The following TMCC2 variants were observed in gnomAD, a reference collection of about 807,000 sequenced individuals.
TMCC2 encodes the protein transmembrane and coiled-coil domains protein 2.
A neutral mutation model predicts 49.4 loss-of-function variants in TMCC2; 16 were observed. The observed-to-expected ratio is 0.32, with a 90% CI of 0.22 to 0.49. The LOEUF (loss-of-function observed/expected upper bound fraction) is 0.49. TMCC2 is among the 20% of genes least tolerant of loss of function. TMCC2 has a pLI of 0.99. For synonymous variants in TMCC2, 397 were observed against 434.1 expected (o/e 0.91, Z 1.06); for missense variants, 762 against 989.8 (o/e 0.77, Z 3.09).
rs902350316 is a variant in TMCC2 at position 205,273,186 on chromosome 1, A to G, written c.*1062A>G. 3.3e-5 allele frequency: 5 copies of G among 152,022 alleles called. No individual in the cohort carries two copies. Among genetic ancestry groups the G allele is most frequent in the Non-Finnish European group, 7.3e-5 (5 of 68,034 alleles). The allele number at this position is 152,022 out of a possible 1,614,324, so 9.4% of individuals were successfully genotyped here. A position where few individuals can be genotyped will look rare whatever the true frequency, so the allele number is the denominator to read the frequency against. On this transcript the variant is annotated 3_prime_UTR_variant, in exon 5 of 5. Transcript: ENST00000358024. ...TTTTTAAGGCTCTGGAGTGTTGTGT[A>G]TGGTTTCTTTTCACATCCCAGCCTC...
Position 205,269,441 on chromosome 1 carries a change from C to T in TMCC2, c.1239C>T (p.Leu413=). The change falls in exon 3 of 5, where the codon CTC becomes CTT. Residue 413 remains leucine (L), a synonymous_variant. Transcript: ENST00000358024. ...GCGTCAAGGGCAGCCTCTCTGGCCT[C>T]TCACAGGCCACCCACACCGCCGTGG... ...VEGVKGSLSG[L]SQATHTAVVS... 4 of 1,606,308 alleles carry T rather than the reference C, an allele frequency of 2.5e-6. No homozygotes were observed. Among genetic ancestry groups the T allele is most frequent in the Non-Finnish European group, 3.4e-6 (4 of 1,174,676 alleles).
intron 1 of TMCC2, chr1:205,230,196 A>G: frequency 1.2e-5 from 12 of 983,560 alleles, no homozygotes; most frequent in Non-Finnish European, 1.1e-5. Context: ...TTACCTGTGT[A>G]TGTTACCTGT....
intron 2 of TMCC2, among the ~76,000 whole-genome samples, chr1:205,247,674 C>T (rs1056664566): frequency 3.9e-5 from 6 of 152,298 alleles, no homozygotes; most frequent in Admixed American, 2.6e-4. Flanking sequence ...ATTCTTCTCT[C>T]CCTAGTAAAC....
At chr1:205,261,504 A>T (rs1391959854) in intron 2 of TMCC2, among the ~76,000 whole-genome samples, 3 of 151,872 alleles carry the variant, frequency 2.0e-5, no homozygotes, top group African/African-American at 7.3e-5. Flanking sequence ...TGTGCAGCCC[A>T]CTTATTTCCT....
At chr1:205,252,287 C>T (rs1343906986) in intron 2 of TMCC2, among the ~76,000 whole-genome samples, 1 of 152,222 alleles carries the variant, frequency 6.6e-6, no homozygotes, top group Non-Finnish European at 1.5e-5. Context: ...TCCCTGGAAG[C>T]AGCTGAAAGG....
rs1251361664 is a variant in TMCC2 at position 205,264,355 on chromosome 1, GT to G, written c.748-4594del. On this transcript the variant is annotated intron_variant, in intron 2 of 4. Coordinates refer to ENST00000358024, the MANE Select transcript of TMCC2 (RefSeq NM_014858.4). The surrounding 1 kb of genome is among the most constrained non-coding windows in gnomAD (Gnocchi z 4.2). ...TTTTTGTTTTTGAGACGGAGTCTCTGTCACCCAGGCTGGAGTGCAGTGGTGC... is the reference window on the plus strand; with the variant it reads ...TTTTTGTTTTTGAGACGGAGTCTCTGCACCCAGGCTGGAGTGCAGTGGTGC... Among the ~76,000 whole-genome samples the G allele has an allele frequency of 2.0e-5, 3 of 152,192 alleles. No individual in the cohort carries two copies. The highest frequency in any genetic ancestry group is 4.4e-5 in the Non-Finnish European group (3 of 68,036).
Position 205,245,726 on chromosome 1 carries a change from CT to C in TMCC2, c.747+3686del, listed in dbSNP as rs1660427490. ...TTGCACTTTTCTAACGTAGAAAGTG[CT>C]TTTGTAGACATCATTTCATGAATTC... On this transcript the variant is annotated intron_variant, in intron 2 of 4. Coordinates refer to ENST00000358024, the MANE Select transcript of TMCC2 (RefSeq NM_014858.4). Among the ~76,000 whole-genome samples the C allele has an allele frequency of 2.0e-5, 3 of 151,874 alleles. No individual in the cohort carries two copies. The South Asian group carries it at 6.2e-4, about 32-fold the overall frequency.
intron 2 of TMCC2, among the ~76,000 whole-genome samples, chr1:205,246,212 T>G (rs938626553): frequency 6.7e-6 from 1 of 149,240 alleles, no homozygotes; most frequent in African/African-American, 2.5e-5. Context: ...GTTCACAGAT[T>G]TGCGGCCTGG....
chr1:205,263,068 C>T (rs1398216019), intron 2 of TMCC2, among the ~76,000 whole-genome samples: 2 of 152,026 alleles, frequency 1.3e-5, no homozygotes, highest in East Asian at 3.9e-4. Flanking sequence ...CCCTCAAGCA[C>T]CCCCCACCGC....
intron 1 of TMCC2, among the ~76,000 whole-genome samples, chr1:205,230,454 A>G (rs1419922131): frequency 6.6e-6 from 1 of 152,046 alleles, no homozygotes; most frequent in African/African-American, 2.4e-5. Context: ...AGTCCATCCC[A>G]TGTGGTCAGG....
chr1:205,257,491 C>T, intron 2 of TMCC2: 1 of 1,014,426 alleles, frequency 9.9e-7, no homozygotes, highest in Non-Finnish European at 1.3e-6. Flanking sequence ...TCAGGGAGCT[C>T]TCCTCCAGGT....
rs548444381 is a variant in TMCC2 at position 205,265,592 on chromosome 1, C to T, written c.748-3358C>T. On this transcript the variant is annotated intron_variant, in intron 2 of 4. Coordinates refer to ENST00000358024, the MANE Select transcript of TMCC2 (RefSeq NM_014858.4). ...TTTTTTTTTTTTTGAGACGGAGTCT[C>T]GCTCTGTCGCCCAGGCTGGTGTGCA... is the stretch of plus-strand genomic sequence containing the variant. Among the ~76,000 whole-genome samples, 38 of 149,492 alleles carry T rather than the reference C, an allele frequency of 2.5e-4. 1 individual carries two copies. The highest frequency in any genetic ancestry group is 8.1e-4 in the African/African-American group (33 of 40,592).
rs751832305 is a variant in TMCC2, at chr1:205,228,741, A to G, written c.177A>G (p.Pro59=). ...CCGGCGCTGCCGCGGCGCCCAACCC[A>G]GGTCCCCGAAGCAAGCCTCCTGATT... The part of the protein sequence containing the change: ...SDAGAAAAPN[P]GPRSKPPDLK... Residue 59 remains proline (P), a synonymous_variant, in exon 1 of 5, where the codon CCA becomes CCG. Transcript: ENST00000358024. 3 of 1,609,062 alleles carry G rather than the reference A, an allele frequency of 1.9e-6. No homozygotes were observed. Among genetic ancestry groups the G allele is most frequent in the Admixed American group, 1.7e-5 (1 of 59,444 alleles).
chr1:205,256,205 G>A, intron 2 of TMCC2: 1 of 1,468,802 alleles, frequency 6.8e-7, no homozygotes, highest in Non-Finnish European at 9.0e-7. Flanking sequence ...AGACTCAAGT[G>A]GGTGCAGAAT....
intron 2 of TMCC2, among the ~76,000 whole-genome samples, chr1:205,247,126 TC>T (rs1156498021): frequency 6.6e-6 from 1 of 152,210 alleles, no homozygotes; most frequent in Non-Finnish European, 1.5e-5. Flanking sequence ...CTATTTTATA[TC>T]CTTCTTTAGA....
chr1:205,269,666 G>A lies in TMCC2; in HGVS notation c.1464G>A (p.Gly488=). ...ECSSASASSA[G]AGSNSGAGPG... The stretch of plus-strand genomic sequence containing the variant: ...CCAGCGCCAGCGCCAGCTCAGCCGG[G>A]GCAGGCAGCAACTCTGGGGCTGGGC... Residue 488 remains glycine, a synonymous_variant, in exon 3 of 5, where the codon GGG becomes GGA. Transcript: ENST00000358024. 6.2e-7 allele frequency: 1 copy of A among 1,613,900 alleles called. No individual in the cohort carries two copies. The highest frequency in any genetic ancestry group is 8.5e-7 in the Non-Finnish European group (1 of 1,179,944).
At chr1:205,268,114 CGTT>C in intron 2 of TMCC2, 1 of 979,256 alleles carries the variant, frequency 1.0e-6, no homozygotes, top group Non-Finnish European at 1.2e-6. Context: ...CGCTGAGCTG[CGTT>C]GTTAGTGAAC....
rs780957575 is a variant in TMCC2 at position 205,241,746 on chromosome 1, G to A, written c.449G>A (p.Arg150His). 1.1e-5 allele frequency: 18 copies of A among 1,612,694 alleles called. No individual in the cohort carries two copies. The highest frequency in any genetic ancestry group is 4.4e-5 in the South Asian group (4 of 91,060). Residue 150 changes from arginine to histidine, a missense_variant, in exon 2 of 5, where the codon CGC becomes CAC. Transcript: ENST00000358024. This position sits in a 1 kb window ranked among gnomAD's most constrained non-coding sequence, Gnocchi z 7.3. ...DLPARPTAFNRVLQQIRSRPS... is the reference protein window; with the variant it reads ...DLPARPTAFNHVLQQIRSRPS... ...CCCGCCCGGCCCACCGCCTTCAACCGCGTGCTGCAGCAGATCCGCTCCCGG... is the reference window on the plus strand; with the variant it reads ...CCCGCCCGGCCCACCGCCTTCAACCACGTGCTGCAGCAGATCCGCTCCCGG...
chr1:205,268,759 G>A, intron 2 of TMCC2, 191 bp from the exon 3 acceptor site: 2 of 615,162 alleles, frequency 3.3e-6, no homozygotes, highest in East Asian at 5.5e-5. Context: ...GGATGCTGTG[G>A]GGACGGGGTA....
Sources: gnomAD v4.1 joint callset for allele counts (sites outside exome capture counted in the v4.1 genomes callset) on GRCh38, gnomAD v4.1.1 for gene constraint, Gnocchi (gnomAD v3.1) non-coding constraint, MANE v1.5 for transcripts, NCBI Gene and HGNC (gene_info 2026-07-23, HGNC 2026-07-21) for gene names.